LGSN: variants seen among roughly 807,000 people sequenced by gnomAD.
The protein encoded by LGSN is lengsin.
In LGSN, 21 loss-of-function variants were observed where a neutral mutation model predicts 19.5. The ratio of observed to expected loss-of-function variants is 1.07; its 90% CI spans 0.76 to 1.55. LGSN has a LOEUF of 1.55. LGSN is among the 40% of genes most tolerant of loss of function. LGSN has a pLI of 0.00. For synonymous variants in LGSN, 257 were observed against 215.6 expected (o/e 1.19, Z -1.68); for missense variants, 673 against 608.5 (o/e 1.11, Z -1.12).
At chr6:63,313,470 T>C (rs1251453366) in intron 1 of LGSN, among the ~76,000 whole-genome samples, 6 of 152,194 alleles carry the variant, frequency 3.9e-5, no homozygotes, top group Non-Finnish European at 5.9e-5. Flanking sequence ...AAAATATGTC[T>C]ACCAGGGGAG....
the LGSN span, among the ~76,000 whole-genome samples, chr6:63,531,467 G>A: frequency 6.7e-6 from 1 of 149,092 alleles, no homozygotes; most frequent in African/African-American, 2.5e-5. Context: ...ATCCAGAAGA[G>A]ATAATGTAAT....
At chr6:63,538,709 A>G in the LGSN span, among the ~76,000 whole-genome samples, 1 of 152,194 alleles carries the variant, frequency 6.6e-6, no homozygotes, top group Non-Finnish European at 1.5e-5. Flanking sequence ...AGTTCAAAAC[A>G]TTTAGCTGTC....
In LGSN at chr6:63,280,526, T is replaced by G. The variant is rs1344390234; in HGVS notation, c.1025A>C (p.Lys342Thr). 12 of 1,614,016 alleles carry G rather than the reference T, an allele frequency of 7.4e-6. No individual in the cohort carries two copies. The highest frequency in any genetic ancestry group is 1.0e-5 in the Non-Finnish European group (12 of 1,180,042). Reference protein sequence around the residue: ...SGTEQLTITGKKWLAGLLKHS... With the variant: ...SGTEQLTITGTKWLAGLLKHS... ...CTTCAAGAGTCCTGCCAACCATTTTTTCCCAGTGATCGTGAGCTGCTCAGT... is the reference window on the plus strand; with the variant it reads ...CTTCAAGAGTCCTGCCAACCATTTTGTCCCAGTGATCGTGAGCTGCTCAGT... Residue 342 changes from lysine (K) to threonine (T), a missense_variant, in exon 4 of 4, where the codon AAA becomes ACA. Transcript: ENST00000370657.
the LGSN span, among the ~76,000 whole-genome samples, chr6:63,523,121 C>T: frequency 6.6e-6 from 1 of 151,942 alleles, no homozygotes; most frequent in African/African-American, 2.4e-5. Context: ...CCACCTCAGC[C>T]TCCTAAAGTG....
chr6:63,387,886 G>A, the LGSN span, among the ~76,000 whole-genome samples: 1 of 151,898 alleles, frequency 6.6e-6, no homozygotes, highest in Non-Finnish European at 1.5e-5. Context: ...TTGATTTTGA[G>A]TCAGAGTCTT....
chr6:63,477,714 T>A, the LGSN span, among the ~76,000 whole-genome samples: 1 of 128,430 alleles, frequency 7.8e-6, no homozygotes, highest in Non-Finnish European at 1.6e-5. Flanking sequence ...TTTTTTTTTT[T>A]GTAGAGATGG....
At chr6:63,349,454 A>G in the LGSN span, among the ~76,000 whole-genome samples, 1 of 152,250 alleles carries the variant, frequency 6.6e-6, no homozygotes, top group African/African-American at 2.4e-5. Context: ...TGTTGCTGTG[A>G]AAAGATTTGT....
At chr6:63,477,816 C>T in the LGSN span, among the ~76,000 whole-genome samples, 159 of 144,242 alleles carry the variant, frequency 1.1e-3, no homozygotes, top group African/African-American at 3.9e-3. Context: ...TTACAGATTA[C>T]AGGTATGAGT....
chr6:63,337,479 A>G, the LGSN span, among the ~76,000 whole-genome samples: 1 of 151,818 alleles, frequency 6.6e-6, no homozygotes, highest in Non-Finnish European at 1.5e-5. Flanking sequence ...CTCTGTCTCA[A>G]TTTTAAAAAT....
chr6:63,503,397 T>A, the LGSN span, among the ~76,000 whole-genome samples: 4 of 152,204 alleles, frequency 2.6e-5, no homozygotes, highest in African/African-American at 7.2e-5. Flanking sequence ...AATGTGCTGA[T>A]CCAAGGTATT....
chr6:63,446,918 G>A, the LGSN span, among the ~76,000 whole-genome samples: 7 of 152,064 alleles, frequency 4.6e-5, no homozygotes, highest in East Asian at 7.7e-4. Flanking sequence ...GTGTGGCAGC[G>A]GGAGCCTGTA....
the LGSN span, among the ~76,000 whole-genome samples, chr6:63,505,585 G>GAAAGAA: frequency 8.3e-5 from 8 of 96,354 alleles, no homozygotes; most frequent in African/African-American, 2.2e-4. Context: ...AAGAAAGAAA[G>GAAAGAA]AAAGAAAGAA....
At chr6:63,420,759 C>G in the LGSN span, among the ~76,000 whole-genome samples, 1 of 151,806 alleles carries the variant, frequency 6.6e-6, no homozygotes, top group African/African-American at 2.4e-5. Context: ...TACCAAGAAC[C>G]AGGAAGATCT....
chr6:63,356,056 T>A, the LGSN span, among the ~76,000 whole-genome samples: 2 of 152,164 alleles, frequency 1.3e-5, no homozygotes, highest in Admixed American at 1.3e-4. Flanking sequence ...TATATATATG[T>A]CCAAATTTCC....
At chr6:63,366,453 T>C in the LGSN span, among the ~76,000 whole-genome samples, 80 of 152,328 alleles carry the variant, frequency 5.3e-4, no homozygotes, top group African/African-American at 1.7e-3. Context: ...CAGAAACAAA[T>C]GGAAGAACAT....
chr6:63,348,810 C>T, the LGSN span, among the ~76,000 whole-genome samples: 4 of 144,346 alleles, frequency 2.8e-5, no homozygotes, highest in South Asian at 4.3e-4. Context: ...GGGCTGGTCT[C>T]GAAATCTTGG....
the LGSN span, among the ~76,000 whole-genome samples, chr6:63,423,290 C>G: frequency 0.046 from 7,026 of 152,220 alleles, 259 homozygotes; most frequent in Non-Finnish European, 0.071. Flanking sequence ...ACAGCAGTGA[C>G]CTGCGATTGT....
At chr6:63,423,620 T>C in the LGSN span, among the ~76,000 whole-genome samples, 1 of 150,892 alleles carries the variant, frequency 6.6e-6, no homozygotes, top group East Asian at 1.9e-4. Context: ...CGAGACCCTG[T>C]ATAAAGAGTA....
chr6:63,303,092 TTATATTTTTAAAAATATAC>T (rs1768251513), intron 1 of LGSN, among the ~76,000 whole-genome samples: 1 of 152,126 alleles, frequency 6.6e-6, no homozygotes, highest in African/African-American at 2.4e-5. Flanking sequence ...TGCATCCAAA[TTATATTTTTAAAAATATAC>T]TGGTGTCATG....
Sources: allele counts gnomAD v4.1 joint callset (sites outside exome capture counted in the v4.1 genomes callset), GRCh38; gene constraint gnomAD v4.1.1; transcripts MANE v1.5; gene names NCBI Gene and HGNC (gene_info 2026-07-23, HGNC 2026-07-21).